Variants in STPG4 observed in about 807,000 individuals in gnomAD.
STPG4 encodes the protein sperm-tail PG-rich repeat containing 4, also known as protein STPG4.
STPG4 carries 41 observed loss-of-function variants against 31.5 expected under a neutral mutation model. The observed-to-expected ratio is 1.30, with a 90% confidence interval of 1.01 to 1.69. STPG4 has a LOEUF of 1.69. Ranked by LOEUF, STPG4 falls within the 40% of genes most tolerant of loss-of-function variation. The pLI is 0.00. For missense variants in STPG4, 375 were observed against 293.4 expected (o/e 1.28, Z -2.03); for synonymous variants, 141 against 103.0 (o/e 1.37, Z -2.24).
In STPG4 at chr2:47,087,146, A is replaced by T; in HGVS notation, c.625-16T>A. 1 of 1,551,508 alleles carries T rather than the reference A, an allele frequency of 6.4e-7. No homozygotes were observed. The highest frequency in any genetic ancestry group is 2.4e-5 in the East Asian group (1 of 40,914). On this transcript the variant is annotated splice_polypyrimidine_tract_variant and intron_variant, in intron 6 of 6. Transcript: ENST00000445927. ...CTGGGGTTTTCTGAAAACAGAGCAG[A>T]AAACAGGGACTGATGAGACAGTGAA...
chr2:47,142,209 T>A (rs1686726198), intron 3 of STPG4, among the ~76,000 whole-genome samples: 1 of 152,076 alleles, frequency 6.6e-6, no homozygotes, highest in East Asian at 1.9e-4. Context: ...CATATTCAAA[T>A]GGATCCTTTG....
chr2:47,132,148 G>A (rs1686498687), intron 3 of STPG4, among the ~76,000 whole-genome samples: 1 of 145,390 alleles, frequency 6.9e-6, no homozygotes, highest in Admixed American at 7.0e-5. Context: ...CTGGGAAACA[G>A]AGCGAGACTC....
At chr2:47,103,016 G>T (rs1685832262) in intron 5 of STPG4, among the ~76,000 whole-genome samples, 1 of 151,862 alleles carries the variant, frequency 6.6e-6, no homozygotes, top group East Asian at 1.9e-4. Flanking sequence ...CCGAGAGTTT[G>T]GAGATACCTG....
intron 5 of STPG4, among the ~76,000 whole-genome samples, chr2:47,125,766 C>G (rs1214315687): frequency 6.6e-6 from 1 of 151,768 alleles, no homozygotes; most frequent in Non-Finnish European, 1.5e-5. Context: ...CCTATATTGC[C>G]CAGGCTGGTC....
chr2:47,098,581 A>T (rs1234518271), intron 5 of STPG4, among the ~76,000 whole-genome samples: 1 of 152,216 alleles, frequency 6.6e-6, no homozygotes, highest in African/African-American at 2.4e-5. Context: ...TAGCACAAAC[A>T]GCTTTCAGTT....
intron 3 of STPG4, among the ~76,000 whole-genome samples, chr2:47,145,956 C>A (rs557921862): frequency 6.6e-6 from 1 of 152,262 alleles, no homozygotes; most frequent in East Asian, 1.9e-4. Context: ...GACACTTGAA[C>A]AAAGACTTGA....
intron 5 of STPG4, among the ~76,000 whole-genome samples, chr2:47,093,820 A>G (rs913963208): frequency 6.6e-6 from 1 of 152,224 alleles, no homozygotes; most frequent in Non-Finnish European, 1.5e-5. Flanking sequence ...AGTGGATATA[A>G]GCCCAAGTTC....
At position 47,091,991 on chromosome 2, in the gene STPG4, C is replaced by G. The variant is rs977653788; in HGVS notation, c.520-1617G>C. Among the ~76,000 whole-genome samples the G allele has an allele frequency of 2.0e-5, 3 of 148,474 alleles. No homozygotes were observed. In the Admixed American group the frequency reaches 2.0e-4, roughly 10 times the overall value. The stretch of plus-strand genomic sequence containing the variant: ...GTTTTTATAGACGTAACAACTACTC[C>G]CAAATGTCATTAAGTCAAAAATGCA... On this transcript the variant is annotated intron_variant, in intron 5 of 6. Coordinates refer to ENST00000445927, the MANE Select transcript of STPG4 (RefSeq NM_001163561.2).
At chr2:47,114,956 C>A (rs950326565) in intron 5 of STPG4, among the ~76,000 whole-genome samples, 2 of 151,972 alleles carry the variant, frequency 1.3e-5, no homozygotes, top group African/African-American at 4.8e-5. Context: ...TTAGTAGAGA[C>A]AGGGTCTCAC....
chr2:47,150,205 T>C (rs183074612), intron 3 of STPG4, among the ~76,000 whole-genome samples: 1 of 152,344 alleles, frequency 6.6e-6, no homozygotes, highest in East Asian at 1.9e-4. Context: ...AGACATGTAT[T>C]AGTGAAGGTC....
intron 5 of STPG4, among the ~76,000 whole-genome samples, chr2:47,119,592 C>T (rs936990290): frequency 2.0e-5 from 3 of 152,208 alleles, no homozygotes; most frequent in Non-Finnish European, 4.4e-5. Context: ...GGAGAAAAAA[C>T]TTGGTGTCCT....
At chr2:47,101,612 T>G (rs542565767) in intron 5 of STPG4, among the ~76,000 whole-genome samples, 1 of 151,924 alleles carries the variant, frequency 6.6e-6, no homozygotes, top group East Asian at 1.9e-4. Context: ...CTCTGTTACC[T>G]TCTTTAGGCA....
At chr2:47,100,279 G>C (rs1685767229) in intron 5 of STPG4, among the ~76,000 whole-genome samples, 1 of 151,450 alleles carries the variant, frequency 6.6e-6, no homozygotes, top group Non-Finnish European at 1.5e-5. Flanking sequence ...TCTAGCTCAA[G>C]GTTTGTAAAC....
chr2:47,094,606 A>G (rs1159112599), intron 5 of STPG4, among the ~76,000 whole-genome samples: 1 of 152,194 alleles, frequency 6.6e-6, no homozygotes, highest in Admixed American at 6.5e-5. Context: ...AAACACCACA[A>G]AAGAATAAAC....
chr2:47,148,598 G>A (rs1686873564), intron 3 of STPG4, among the ~76,000 whole-genome samples: 3 of 152,042 alleles, frequency 2.0e-5, no homozygotes, highest in Non-Finnish European at 2.9e-5. Flanking sequence ...TGTTACATAT[G>A]TATACATGTG....
intron 3 of STPG4, among the ~76,000 whole-genome samples, chr2:47,132,766 T>TC (rs1335484131): frequency 6.6e-6 from 1 of 152,092 alleles, no homozygotes; most frequent in Non-Finnish European, 1.5e-5. Context: ...TTTATGCTTC[T>TC]TTCTCTCTCT....
chr2:47,115,571 C>G (rs887814175), intron 5 of STPG4, among the ~76,000 whole-genome samples: 1 of 151,728 alleles, frequency 6.6e-6, no homozygotes, highest in Non-Finnish European at 1.5e-5. Context: ...AAAATCTTCC[C>G]CTTCTATTCC....
Position 47,107,315 on chromosome 2 carries a change from T to C in STPG4, c.520-16941A>G, listed in dbSNP as rs57542937. 5.9e-3 allele frequency among the ~76,000 whole-genome samples: 891 copies of C among 151,602 alleles called. 12 individuals are homozygous for C. Among genetic ancestry groups the C allele is most frequent in the African/African-American group, 0.02 (810 of 40,960 alleles). On this transcript the variant is annotated intron_variant, in intron 5 of 6. Coordinates refer to ENST00000445927, the MANE Select transcript of STPG4 (RefSeq NM_001163561.2). ...AAGTGGGAACCGGGGCTGCGCGTGGTGCTTGCGGGCCAGCTGGAGTTCCGG... is the reference window on the plus strand; with the variant it reads ...AAGTGGGAACCGGGGCTGCGCGTGGCGCTTGCGGGCCAGCTGGAGTTCCGG...
At chr2:47,138,177 A>T (rs1392588647) in intron 3 of STPG4, among the ~76,000 whole-genome samples, 1 of 152,042 alleles carries the variant, frequency 6.6e-6, no homozygotes, top group African/African-American at 2.4e-5. Flanking sequence ...TTTTGTTTTC[A>T]CTTCCACTTA....
Sources: gnomAD v4.1 joint callset for allele counts (sites outside exome capture counted in the v4.1 genomes callset) on GRCh38, gnomAD v4.1.1 for gene constraint, MANE v1.5 for transcripts, NCBI Gene and HGNC (gene_info 2026-07-23, HGNC 2026-07-21) for gene names.